Variants in UIMC1 observed in about 807,000 individuals in gnomAD.
UIMC1 encodes BRCA1-A complex subunit RAP80.
UIMC1 carries 42 observed loss-of-function variants against 84.9 expected under a neutral mutation model. The ratio of observed to expected loss-of-function variants is 0.49; its 90% CI spans 0.39 to 0.64. The LOEUF (loss-of-function observed/expected upper bound fraction) is 0.64, where lower values mean the gene tolerates loss of function less well. UIMC1 is among the 30% of genes least tolerant of loss of function. The pLI, the probability that UIMC1 is intolerant of heterozygous loss-of-function variation, is 0.00. For synonymous variants in UIMC1, 281 were observed against 293.0 expected (o/e 0.96, Z 0.42); for missense variants, 825 against 847.6 (o/e 0.97, Z 0.33).
intron 1 of UIMC1, among the ~76,000 whole-genome samples, chr5:176,983,220 T>C (rs1489629588): frequency 1.3e-5 from 2 of 151,770 alleles, no homozygotes; most frequent in East Asian, 1.9e-4. Flanking sequence ...TCATTAAAAA[T>C]ATAGCCCTCT....
At chr5:176,999,049 A>T (rs946784716) in intron 1 of UIMC1, among the ~76,000 whole-genome samples, 1 of 152,164 alleles carries the variant, frequency 6.6e-6, no homozygotes, top group East Asian at 1.9e-4. Context: ...AAAATCAGTC[A>T]GGCATGGTGT....
intron 10 of UIMC1, among the ~76,000 whole-genome samples, chr5:176,916,448 G>C (rs1188404672): frequency 6.6e-6 from 1 of 152,194 alleles, no homozygotes; most frequent in East Asian, 1.9e-4. Flanking sequence ...TTGCCTTGTG[G>C]TGAAGGGCAC....
At chr5:177,021,078 G>C (rs1052397830) in intron 1 of UIMC1, among the ~76,000 whole-genome samples, 1 of 152,168 alleles carries the variant, frequency 6.6e-6, no homozygotes, top group Non-Finnish European at 1.5e-5. Context: ...AGGAGTTTGA[G>C]ATCAGCCTAG....
chr5:176,925,555 C>T (rs1762288579), intron 10 of UIMC1, among the ~76,000 whole-genome samples: 1 of 151,956 alleles, frequency 6.6e-6, no homozygotes, highest in Non-Finnish European at 1.5e-5. Flanking sequence ...GAAAAATACA[C>T]CGAGAAGAAC....
chr5:176,958,030 G>T, intron 7 of UIMC1, 63 bp downstream of exon 7: 1 of 1,524,090 alleles, frequency 6.6e-7, no homozygotes, highest in South Asian at 1.2e-5. Flanking sequence ...TCACTCATGT[G>T]GTTCATCTCC....
intron 6 of UIMC1, among the ~76,000 whole-genome samples, chr5:176,966,177 C>T (rs1768267267): frequency 6.6e-6 from 1 of 152,206 alleles, no homozygotes; most frequent in Non-Finnish European, 1.5e-5. Context: ...GGCATCTCCC[C>T]AGTGAATGAC....
chr5:176,993,716 T>C (rs1305625694), intron 1 of UIMC1, among the ~76,000 whole-genome samples: 1 of 151,944 alleles, frequency 6.6e-6, no homozygotes, highest in African/African-American at 2.4e-5. Context: ...CTGGAAAACA[T>C]ACAAAAATCT....
At chr5:176,918,242 A>G (rs1293554759) in intron 10 of UIMC1, among the ~76,000 whole-genome samples, 4 of 152,246 alleles carry the variant, frequency 2.6e-5, no homozygotes, top group East Asian at 1.9e-4. Context: ...GGTGATTTCA[A>G]TATCTACATA....
At chr5:176,957,959 T>A (rs1766816252) in intron 7 of UIMC1, 134 bp downstream of exon 7, 1 of 616,652 alleles carries the variant, frequency 1.6e-6, no homozygotes, top group Non-Finnish European at 2.6e-6. Context: ...TAATAAAATT[T>A]CTCCTAGTCT....
At chr5:177,008,473 G>A (rs1171137672), upstream of UIMC1, among the ~76,000 whole-genome samples, 1 of 152,112 alleles carries the variant, frequency 6.6e-6, no homozygotes, top group Non-Finnish European at 1.5e-5. Flanking sequence ...AAGTAGCAAT[G>A]GGCCTGTCCT....
At chr5:176,910,945 C>CG (rs1363188533) in intron 11 of UIMC1, among the ~76,000 whole-genome samples, 1 of 151,748 alleles carries the variant, frequency 6.6e-6, no homozygotes, top group Non-Finnish European at 1.5e-5. Flanking sequence ...CAAAATTAGC[C>CG]GGGCGTGGTG....
chr5:176,979,876 G>T (rs764611219), intron 2 of UIMC1, among the ~76,000 whole-genome samples: 1 of 152,270 alleles, frequency 6.6e-6, no homozygotes, highest in East Asian at 1.9e-4. Flanking sequence ...ATTTTCTGGT[G>T]TGTCTGTCCG....
At chr5:176,984,714 T>C (rs964902402) in intron 1 of UIMC1, among the ~76,000 whole-genome samples, 4 of 152,060 alleles carry the variant, frequency 2.6e-5, no homozygotes, top group African/African-American at 7.2e-5. Context: ...TAGAAAGAAG[T>C]AGACATAGGA....
intron 10 of UIMC1, among the ~76,000 whole-genome samples, chr5:176,928,097 GCCTCC>G (rs1762607648): frequency 2.0e-5 from 3 of 152,054 alleles, no homozygotes. Context: ...GTCCACCTCG[GCCTCC>G]AAAAGTGCTA....
intron 6 of UIMC1, among the ~76,000 whole-genome samples, chr5:176,967,456 C>G (rs75092556): frequency 0.033 from 5,001 of 152,154 alleles, 294 homozygotes; most frequent in African/African-American, 0.11. Flanking sequence ...TGGAAGGATA[C>G]ACTAGAACTA....
At chr5:176,909,364 G>T (rs1351520161) in intron 11 of UIMC1, among the ~76,000 whole-genome samples, 2 of 151,866 alleles carry the variant, frequency 1.3e-5, no homozygotes, top group Non-Finnish European at 1.5e-5. Context: ...GGGGGTAAAA[G>T]AAAAAAATGA....
In UIMC1 at chr5:176,969,042, C is replaced by T. The variant is rs1768778735; in HGVS notation, c.713G>A (p.Gly238Glu). The T allele has an allele frequency of 6.2e-7, 1 of 1,614,104 alleles. No individual in the cohort carries two copies. Among genetic ancestry groups the T allele is most frequent in the South Asian group, 1.1e-5 (1 of 91,086 alleles). Residue 238 changes from glycine to glutamate, a missense_variant, in exon 6 of 15, where the codon GGG becomes GAG. Gly to Glu is a moderately conservative substitution (Grantham distance 98). Transcript: ENST00000511320. ...TQCGKPQEST[G>E]RGSAFLKAVQ... is the part of the protein sequence containing the mutation. ...AGCTTTGAGAAAAGCAGAACCCCTC[C>T]CAGTACTTTCCTGTGGCTTCCCACA...
At chr5:176,925,029 T>TAAAAAAAAAAAAAAAA (rs1304012521) in intron 10 of UIMC1, among the ~76,000 whole-genome samples, 1 of 94,994 alleles carries the variant, frequency 1.1e-5, no homozygotes, top group Non-Finnish European at 2.0e-5. Flanking sequence ...AGACTCTGCC[T>TAAAAAAAAAAAAAAAA]CAAAAAAAAA....
At chr5:176,970,685 G>T in intron 4 of UIMC1, 57 bp downstream of exon 4, 1 of 1,612,464 alleles carries the variant, frequency 6.2e-7, no homozygotes, top group Middle Eastern at 1.6e-4. Context: ...CAACACCACA[G>T]AAGTCAAAAA....
Sources: gnomAD v4.1 joint callset for allele counts (sites outside exome capture counted in the v4.1 genomes callset) on GRCh38, gnomAD v4.1.1 for gene constraint, MANE v1.5 for transcripts, NCBI Gene and HGNC (gene_info 2026-07-23, HGNC 2026-07-21) for gene names.